The following USP13 variants were observed in gnomAD, a reference collection of about 807,000 sequenced individuals.
The protein encoded by USP13 is ubiquitin specific peptidase 13.
A neutral mutation model predicts 107.8 loss-of-function variants in USP13; 68 were observed. The ratio of observed to expected loss-of-function variants is 0.63; its 90% CI spans 0.52 to 0.77. The LOEUF is 0.77. Among genes scored for constraint, USP13 ranks in the 30% least tolerant of loss-of-function variants. The pLI, the probability that USP13 is intolerant of heterozygous loss-of-function variation, is 0.00. For synonymous variants in USP13, 377 were observed against 389.5 expected, an observed-to-expected ratio of 0.97 and a Z score of 0.38; for missense variants, 945 against 1,093.3, an observed-to-expected ratio of 0.86 and a Z score of 1.91.
At chr3:179,739,425 G>A (rs1475852677) in intron 10 of USP13, among the ~76,000 whole-genome samples, 1 of 152,178 alleles carries the variant, frequency 6.6e-6, no homozygotes, top group Non-Finnish European at 1.5e-5. Flanking sequence ...CAGCTCTGCA[G>A]TGCTTCACTG....
chr3:179,655,758 G>A (rs1720240690), intron 1 of USP13, among the ~76,000 whole-genome samples: 1 of 151,968 alleles, frequency 6.6e-6, no homozygotes, highest in African/African-American at 2.4e-5. Context: ...TCGCCATGTT[G>A]GTTAGGCTGC....
chr3:179,743,908 C>T lies in USP13; in HGVS notation c.1535-1135C>T, dbSNP rs1054211741. On this transcript the variant is annotated intron_variant, in intron 12 of 20. Coordinates refer to ENST00000263966, the MANE Select transcript of USP13 (RefSeq NM_003940.3). Reference sequence around the variant, plus strand: ...ACACATATGTGCGTAAGTGTACCTACAAACTGATAAATAAGGAGTTTTTTT... The same window carrying T: ...ACACATATGTGCGTAAGTGTACCTATAAACTGATAAATAAGGAGTTTTTTT... 6.8e-5 allele frequency among the ~76,000 whole-genome samples: 9 copies of T among 132,698 alleles called. 1 individual carries two copies. Among genetic ancestry groups the T allele is most frequent in the African/African-American group, 2.5e-4 (9 of 35,712 alleles). 87.1% of individuals were successfully genotyped at this position (132,698 alleles called of 152,430 possible).
At chr3:179,756,241 G>A (rs1714789718) in intron 15 of USP13, among the ~76,000 whole-genome samples, 1 of 151,890 alleles carries the variant, frequency 6.6e-6, no homozygotes, top group Non-Finnish European at 1.5e-5. Context: ...TGGCCAACAT[G>A]GTGAAACCTC....
chr3:179,775,294 G>A (rs1338456836), intron 19 of USP13, among the ~76,000 whole-genome samples: 3 of 152,074 alleles, frequency 2.0e-5, no homozygotes, highest in Admixed American at 6.5e-5. Flanking sequence ...AGATGTAAAC[G>A]TTCTCGAAGT....
At chr3:179,679,256 A>G (rs1254652329) in intron 1 of USP13, among the ~76,000 whole-genome samples, 7 of 152,152 alleles carry the variant, frequency 4.6e-5, no homozygotes, top group Admixed American at 1.3e-4. Flanking sequence ...TAAATTTTAA[A>G]CAAACAAATT....
intron 15 of USP13, among the ~76,000 whole-genome samples, chr3:179,755,169 G>A (rs892224395): frequency 6.6e-6 from 1 of 152,146 alleles, no homozygotes; most frequent in Non-Finnish European, 1.5e-5. Flanking sequence ...ATTGAACAGC[G>A]TGAGTTGGTT....
intron 6 of USP13, among the ~76,000 whole-genome samples, chr3:179,714,731 A>G (rs1248502035): frequency 6.6e-6 from 1 of 152,134 alleles, no homozygotes; most frequent in East Asian, 1.9e-4. Context: ...CAAAAATTTT[A>G]AAAAAGGCAG....
At chr3:179,753,737 G>A (rs1714688643) in intron 14 of USP13, among the ~76,000 whole-genome samples, 1 of 152,058 alleles carries the variant, frequency 6.6e-6, no homozygotes, top group Non-Finnish European at 1.5e-5. Context: ...TATGTACCTG[G>A]TATCATAACT....
In USP13 at chr3:179,714,197, G is replaced by A. The variant is rs373698180; in HGVS notation, c.805+5240G>A. Among the ~76,000 whole-genome samples, 21 of 152,336 alleles carry A rather than the reference G, an allele frequency of 1.4e-4. No individual in the cohort carries two copies. In the South Asian group the frequency reaches 1.7e-3, roughly 12 times the overall value. ...CCGAGAAGATGCTTTAGTGTCTTGG[G>A]TGATTGTAGGAGAGTCTTCCAGAGA... On this transcript the variant is annotated intron_variant, in intron 6 of 20. Coordinates refer to ENST00000263966, the MANE Select transcript of USP13 (RefSeq NM_003940.3).
At chr3:179,670,157 G>T (rs925802422) in intron 1 of USP13, among the ~76,000 whole-genome samples, 2 of 152,086 alleles carry the variant, frequency 1.3e-5, no homozygotes, top group African/African-American at 4.8e-5. Context: ...TTGCCTGACT[G>T]CTCATCATCT....
intron 3 of USP13, among the ~76,000 whole-genome samples, chr3:179,692,568 T>C (rs370137038): frequency 6.6e-6 from 1 of 152,266 alleles, no homozygotes; most frequent in East Asian, 1.9e-4. Flanking sequence ...CTTCTGATGC[T>C]TTGGTTATTA....
Position 179,653,493 on chromosome 3 carries a change from C to G in USP13, c.168+100C>G. On this transcript the variant is annotated intron_variant, in intron 1 of 20. Coordinates refer to ENST00000263966, the MANE Select transcript of USP13 (RefSeq NM_003940.3). The surrounding 1 kb of genome is among the most constrained non-coding windows in gnomAD (Gnocchi z 4.0). ...AGTGGCGGCCGGGACCTCTTCTCTTCCTCCGGGCGGCAGAGTTGGCTCAGG... is the reference window on the plus strand; with the variant it reads ...AGTGGCGGCCGGGACCTCTTCTCTTGCTCCGGGCGGCAGAGTTGGCTCAGG... The G allele has an allele frequency of 6.9e-7, 1 of 1,454,162 alleles. No individual in the cohort carries two copies. The highest frequency in any genetic ancestry group is 9.2e-7 in the Non-Finnish European group (1 of 1,086,914). The allele number at this position is 1,454,162 out of a possible 1,614,324, so 90.1% of individuals were successfully genotyped here.
intron 2 of USP13, among the ~76,000 whole-genome samples, chr3:179,686,779 C>T (rs1257100090): frequency 6.6e-6 from 1 of 152,248 alleles, no homozygotes; most frequent in Non-Finnish European, 1.5e-5. Context: ...TTAGGTGTCA[C>T]ACTTGGTGGA....
chr3:179,669,958 C>A (rs1327912758), intron 1 of USP13, among the ~76,000 whole-genome samples: 1 of 152,208 alleles, frequency 6.6e-6, no homozygotes, highest in East Asian at 1.9e-4. Context: ...ACCCAGCTCT[C>A]CCCTGGCGTG....
intron 1 of USP13, among the ~76,000 whole-genome samples, chr3:179,667,031 A>G (rs747689948): frequency 8.5e-5 from 13 of 152,164 alleles, no homozygotes; most frequent in Non-Finnish European, 1.5e-4. Context: ...TGCCCATTCA[A>G]CATATCTTAT....
At chr3:179,752,022 C>A (rs1292377513) in intron 13 of USP13, among the ~76,000 whole-genome samples, 2 of 152,182 alleles carry the variant, frequency 1.3e-5, no homozygotes, top group African/African-American at 4.8e-5. Flanking sequence ...GGATTACAGG[C>A]GTGAGCCACC....
intron 4 of USP13, among the ~76,000 whole-genome samples, chr3:179,701,911 G>T (rs1712538734): frequency 6.6e-6 from 1 of 152,228 alleles, no homozygotes; most frequent in South Asian, 2.1e-4. Context: ...AGTGGGCGCA[G>T]AGTTCCTGTG....
At chr3:179,681,823 A>G (rs1406974105) in intron 1 of USP13, 55 bp from the exon 2 acceptor site, 5 of 1,570,200 alleles carry the variant, frequency 3.2e-6, no homozygotes, top group Non-Finnish European at 4.3e-6. Flanking sequence ...CTCTTTCTAC[A>G]TCTGACTACT....
chr3:179,733,732 G>A (rs959795471), intron 10 of USP13, among the ~76,000 whole-genome samples: 8 of 152,180 alleles, frequency 5.3e-5, no homozygotes, highest in Admixed American at 3.9e-4. Context: ...TGGCAGAAAC[G>A]CCTTTTTACG....
Sources: gnomAD v4.1 joint callset for allele counts (sites outside exome capture counted in the v4.1 genomes callset) on GRCh38, gnomAD v4.1.1 for gene constraint, Gnocchi (gnomAD v3.1) non-coding constraint, MANE v1.5 for transcripts, NCBI Gene and HGNC (gene_info 2026-07-23, HGNC 2026-07-21) for gene names.